Variants in RPGR observed in about 807,000 individuals in gnomAD.
RPGR encodes the protein X-linked retinitis pigmentosa GTPase regulator.
RPGR carries 10 observed loss-of-function variants against 56.3 expected under a neutral mutation model. That is an observed-to-expected ratio of 0.18 (90% CI 0.11 to 0.30). The LOEUF is 0.30. RPGR is among the 10% of genes least tolerant of loss of function. The probability of loss-of-function intolerance (pLI) is 1.00; values close to 1 mark genes in which losing one functional copy is unlikely to be tolerated. For missense variants in RPGR, 538 were observed against 590.9 expected (o/e 0.91, Z 0.93); for synonymous variants, 197 against 212.9 (o/e 0.93, Z 0.65).
At chrX:38,325,030 C>T (rs779695742) in intron 1 of RPGR, among the ~76,000 whole-genome samples, 2 of 106,242 alleles carry the variant, frequency 1.9e-5, no homozygotes, top group East Asian at 3.0e-4. Flanking sequence ...ATTAGCCGGG[C>T]GTGGTGGTGG....
intron 10 of RPGR, chrX:38,298,593 C>T: frequency 4.3e-6 from 1 of 230,831 alleles, no homozygotes; most frequent in Non-Finnish European, 7.9e-6. Flanking sequence ...TTTTTACTAC[C>T]ATAATAAAAA....
At chrX:38,291,549 G>C in intron 11 of RPGR, 65 bp from the exon 12 acceptor site, 1 of 618,686 alleles carries the variant, frequency 1.6e-6, no homozygotes, top group Non-Finnish European at 2.7e-6. Flanking sequence ...CAACTGGACA[G>C]AAAACAGAAA....
intron 15 of RPGR, chrX:38,286,533 C>T: frequency 9.7e-7 from 1 of 1,028,934 alleles, no homozygotes; most frequent in Admixed American, 3.5e-5. Flanking sequence ...TCTCTCCTTT[C>T]CCCTCCTCTA....
chrX:38,305,476 T>C (rs2067578590), intron 7 of RPGR, among the ~76,000 whole-genome samples: 1 of 109,942 alleles, frequency 9.1e-6, no homozygotes, highest in Non-Finnish European at 1.9e-5. Flanking sequence ...AAAAAGTGAA[T>C]AGTGTCTCCT....
At chrX:38,304,527 G>T in intron 8 of RPGR, 108 bp downstream of exon 8, 1 of 606,517 alleles carries the variant, frequency 1.6e-6, no homozygotes, top group Non-Finnish European at 2.6e-6. Flanking sequence ...ATTTTTCTCA[G>T]CCATTAATTC....
In RPGR at chrX:38,287,152, T is replaced by A. The variant is rs184789544; in HGVS notation, c.1847A>T (p.His616Leu). The change falls in exon 15 of 19, where the codon CAT becomes CTT. Residue 616 changes from histidine (H) to leucine (L), a missense_variant. Transcript: ENST00000642395. ...CTCTGTTTTCTCCTTTCTTCCTCCA[T>A]GCACCTTCACATTTTCCTCATTTGC... is the stretch of plus-strand genomic sequence containing the variant. 8.3e-7 allele frequency: 1 copy of A among 1,211,446 alleles called. No homozygotes were observed.
chrX:38,291,487 G>C lies in RPGR; in HGVS notation c.1415-3C>G. 1 of 1,052,123 alleles carries C rather than the reference G, an allele frequency of 9.5e-7. No individual in the cohort carries two copies. The highest frequency in any genetic ancestry group is 1.3e-6 in the Non-Finnish European group (1 of 753,731). 86.7% of individuals were successfully genotyped at this position (1,052,123 alleles called of 1,213,427 possible). A position where few individuals can be genotyped will look rare whatever the true frequency, so the allele number is the denominator to read the frequency against. On this transcript the variant is annotated splice_polypyrimidine_tract_variant and splice_region_variant and intron_variant, in intron 11 of 18. Transcript: ENST00000642395. ...GGTCATTTCATCTAGCAAATAATCTGAATGATTAAATGGGAAAAAGGAAAT... is the reference window on the plus strand; with the variant it reads ...GGTCATTTCATCTAGCAAATAATCTCAATGATTAAATGGGAAAAAGGAAAT...
At chrX:38,303,907 A>C (rs1358547453) in intron 8 of RPGR, 2 of 289,069 alleles carry the variant, frequency 6.9e-6, no homozygotes, top group African/African-American at 5.5e-5. Flanking sequence ...GCTTCACTTC[A>C]TATTTAGACA....
Position 38,327,320 on chromosome X carries a change from C to A in RPGR, c.28+20G>T, listed in dbSNP as rs1408249277. 2 of 1,180,855 alleles carry A rather than the reference C, an allele frequency of 1.7e-6. No homozygotes were observed. The highest frequency in any genetic ancestry group is 2.3e-6 in the Non-Finnish European group (2 of 882,921). On this transcript the variant is annotated intron_variant, in intron 1 of 18. Transcript: ENST00000642395. The stretch of plus-strand genomic sequence containing the variant: ...GACCCTCCCTCCCGGCCTTCCGCCA[C>A]CGGCGCGGGCGCAACTCACCGGGCA...
At chrX:38,281,812 G>A (rs1302021477) in intron 15 of RPGR, among the ~76,000 whole-genome samples, 2 of 111,836 alleles carry the variant, frequency 1.8e-5, no homozygotes, top group Non-Finnish European at 3.8e-5. Context: ...TCAGTGGAGG[G>A]CTGGGATTTT....
At chrX:38,301,485 T>G in intron 8 of RPGR, 114 bp from the exon 9 acceptor site, 1 of 690,815 alleles carries the variant, frequency 1.4e-6, no homozygotes, top group Non-Finnish European at 2.2e-6. Flanking sequence ...CCTCAAATTC[T>G]GCCTTGAATT....
Position 38,304,711 on chromosome X carries a change from G to A in RPGR, c.858C>T (p.Pro286=), listed in dbSNP as rs1387222365. ...GATCCCTAATATTCTCAATGACTTT[G>A]GGTTCTGAAGTTTCAAAAAGAAAAG... is the stretch of plus-strand genomic sequence containing the variant. Residue 286 remains proline, a synonymous_variant, in exon 8 of 19, where the codon CCC becomes CCT. Transcript: ENST00000642395. 1.7e-6 allele frequency: 2 copies of A among 1,204,302 alleles called. No individual in the cohort carries two copies. The highest frequency in any genetic ancestry group is 2.2e-5 in the Admixed American group (1 of 45,900).
At position 38,269,762 on chromosome X, in the gene RPGR, T is replaced by C; in HGVS notation, c.2312A>G (p.Glu771Gly). The C allele has an allele frequency of 8.3e-7, 1 of 1,210,222 alleles. No homozygotes were observed. Among genetic ancestry groups the C allele is most frequent in the Non-Finnish European group, 1.1e-6 (1 of 894,189 alleles). Residue 771 changes from glutamate to glycine, a missense_variant, in exon 19 of 19, where the codon GAG becomes GGG. Physicochemically the swap from Glu to Gly is moderately conservative, Grantham distance 98. Transcript: ENST00000642395. Reference sequence around the variant, plus strand: ...GATCTGGTCTCCTATGGATTTTATCTCTGGGAGCGGCTCATTGTTATTCTT... The same window carrying C: ...GATCTGGTCTCCTATGGATTTTATCCCTGGGAGCGGCTCATTGTTATTCTT...
intron 15 of RPGR, chrX:38,286,703 C>T (rs1459627920): frequency 8.7e-7 from 1 of 1,154,106 alleles, no homozygotes; most frequent in Non-Finnish European, 1.2e-6. Flanking sequence ...TCACGTTCTC[C>T]CTCCACTTCT....
At chrX:38,296,575 TA>T (rs2067389634) in intron 11 of RPGR, among the ~76,000 whole-genome samples, 1 of 111,635 alleles carries the variant, frequency 9.0e-6, no homozygotes, top group Non-Finnish European at 1.9e-5. Flanking sequence ...GCAAAGGTAT[TA>T]ATATTAATCA....
chrX:38,311,065 C>T (rs1202962043), intron 6 of RPGR, among the ~76,000 whole-genome samples: 1 of 112,344 alleles, frequency 8.9e-6, no homozygotes, highest in Non-Finnish European at 1.9e-5. Flanking sequence ...ACTTAAAGCT[C>T]CCATAAAAAC....
rs1464760066 is a variant in RPGR, at chrX:38,287,998, G to A, written c.1616C>T (p.Thr539Ile). Residue 539 changes from threonine to isoleucine, a missense_variant, in exon 14 of 19, where the codon ACT (threonine) becomes ATT (isoleucine). Around this residue, in one of 2 missense-constraint regions of RPGR, gnomAD observed 357 missense variants for 325.8 expected, o/e 1.10. Coordinates refer to ENST00000642395, the MANE Select transcript of RPGR (RefSeq NM_000328.3). ...ATATTCATCACTATCATCGTTTTCAGTAAGAGCTGTATCCTGCGTCAGTTC... is the reference window on the plus strand; with the variant it reads ...ATATTCATCACTATCATCGTTTTCAATAAGAGCTGTATCCTGCGTCAGTTC... 7 of 1,208,693 alleles carry A rather than the reference G, an allele frequency of 5.8e-6. 1 individual carries two copies. In the Admixed American group the frequency reaches 1.1e-4, roughly 19 times the overall value.
chrX:38,286,003 C>CT, intron 15 of RPGR: 1 of 970,421 alleles, frequency 1.0e-6, no homozygotes, highest in Non-Finnish European at 1.3e-6. Flanking sequence ...TTCTTCCTCC[C>CT]CTTCTTCTTC....
Position 38,327,453 on chromosome X carries a change from G to C in RPGR, c.-86C>G. 3 of 949,910 alleles carry C rather than the reference G, an allele frequency of 3.2e-6. No homozygotes were observed. The highest frequency in any genetic ancestry group is 2.5e-5 in the South Asian group (1 of 39,923). 78.3% of individuals were successfully genotyped at this position (949,910 alleles called of 1,213,427 possible). A position where few individuals can be genotyped will look rare whatever the true frequency, so the allele number is the denominator to read the frequency against. ...GGGGCTAAAGCAGCTACTCCGCACC[G>C]ACGCGGGCCGCGAAAGCCCCCAAGT... On this transcript the variant is annotated 5_prime_UTR_variant, in exon 1 of 19. Transcript: ENST00000642395.
Sources: allele counts gnomAD v4.1 joint callset (sites outside exome capture counted in the v4.1 genomes callset), GRCh38; gene constraint gnomAD v4.1.1; regional missense constraint gnomAD v4.1.1; transcripts MANE v1.5; gene names NCBI Gene and HGNC (gene_info 2026-07-23, HGNC 2026-07-21).